Variants in NAV2 observed in about 807,000 individuals in gnomAD.
NAV2 encodes the protein helicase, APC down-regulated 1.
A neutral mutation model predicts 223.2 loss-of-function variants in NAV2; 54 were observed. That is an observed-to-expected ratio of 0.24 (90% confidence interval 0.19 to 0.30). The LOEUF is 0.30. Ranked by LOEUF, NAV2 falls within the 10% of genes least tolerant of loss-of-function variation. The pLI is 1.00. For synonymous variants in NAV2, 1,279 were observed against 1,239.3 expected (o/e 1.03, Z -0.67); for missense variants, 2,806 against 3,147.5 (o/e 0.89, Z 2.60).
chr11:19,858,308 G>A (rs1395164232), intron 3 of NAV2, among the ~76,000 whole-genome samples: 1 of 152,162 alleles, frequency 6.6e-6, no homozygotes, highest in Non-Finnish European at 1.5e-5. Context: ...GATCATGCAG[G>A]ACTTGTCTTT....
intron 24 of NAV2, 82 bp from the exon 25 acceptor site, chr11:20,079,982 G>T: frequency 1.3e-6 from 2 of 1,538,248 alleles, no homozygotes; most frequent in Non-Finnish European, 8.8e-7. Context: ...AGGTGGGTGG[G>T]TTTTGCTTAA....
At chr11:19,628,873 G>A (rs558987890) in intron 1 of NAV2, among the ~76,000 whole-genome samples, 37 of 152,236 alleles carry the variant, frequency 2.4e-4, no homozygotes, top group South Asian at 2.1e-4. Flanking sequence ...CTCTATCCCA[G>A]CTACTCTGAG....
At chr11:20,049,799 G>T (rs754594581) in intron 15 of NAV2, 37 bp from the exon 16 acceptor site, 1 of 1,597,000 alleles carries the variant, frequency 6.3e-7, no homozygotes, top group Non-Finnish European at 8.6e-7. Context: ...CCAAGCTAAC[G>T]TTCCTTCTCT....
intron 28 of NAV2, among the ~76,000 whole-genome samples, chr11:20,092,868 C>T (rs188333691): frequency 2.0e-5 from 3 of 152,158 alleles, no homozygotes; most frequent in East Asian, 1.9e-4. Context: ...GTCTCTCCCT[C>T]GCACTTCCAT....
chr11:19,511,661 A>C (rs772943313), intron 1 of NAV2: 1 of 152,224 alleles, frequency 6.6e-6, no homozygotes, highest in African/African-American at 2.4e-5. Context: ...CTCACTGAGC[A>C]GTAATTGCTG....
At chr11:19,880,424 A>G (rs2153089573) in intron 5 of NAV2, among the ~76,000 whole-genome samples, 1 of 152,306 alleles carries the variant, frequency 6.6e-6, no homozygotes, top group Middle Eastern at 3.4e-3. Context: ...ACAGCCCCTA[A>G]AATAGACTTC....
chr11:20,049,916 G>A lies in NAV2; in HGVS notation c.4436+15G>A. On this transcript the variant is annotated intron_variant, in intron 16 of 37. Transcript: ENST00000349880. ...AAACAGGACAGGTAATGACATTGCA[G>A]GCCGGGGACCAACCGAGCCTCTAGG... 1 of 1,613,594 alleles carries A rather than the reference G, an allele frequency of 6.2e-7. No homozygotes were observed. The highest frequency in any genetic ancestry group is 8.5e-7 in the Non-Finnish European group (1 of 1,179,508).
chr11:19,615,577 T>G (rs2135368043), intron 1 of NAV2, among the ~76,000 whole-genome samples: 1 of 152,212 alleles, frequency 6.6e-6, no homozygotes, highest in Non-Finnish European at 1.5e-5. Context: ...AAACAGTGGC[T>G]AGGCGCTCAG....
chr11:19,384,212 G>A (rs147009506), intron 1 of NAV2, among the ~76,000 whole-genome samples: 74 of 152,224 alleles, frequency 4.9e-4, no homozygotes, highest in African/African-American at 1.6e-3. Flanking sequence ...AGACTAAAAG[G>A]ATACATCTTA....
At chr11:19,794,271 C>T (rs1300640795) in intron 1 of NAV2, among the ~76,000 whole-genome samples, 4 of 152,182 alleles carry the variant, frequency 2.6e-5, no homozygotes, top group Non-Finnish European at 5.9e-5. Context: ...TCTAAGCCAG[C>T]GATGGTTCCT....
intron 1 of NAV2, among the ~76,000 whole-genome samples, chr11:19,609,116 A>G (rs2046560877): frequency 6.6e-6 from 1 of 152,228 alleles, no homozygotes; most frequent in Non-Finnish European, 1.5e-5. Flanking sequence ...TCATAAATGT[A>G]CCTATTCACA....
At chr11:19,804,995 T>G (rs2058473676) in intron 1 of NAV2, among the ~76,000 whole-genome samples, 1 of 151,716 alleles carries the variant, frequency 6.6e-6, no homozygotes, top group South Asian at 2.1e-4. Context: ...AAGGGAGGAG[T>G]GGGAAATCAG....
chr11:19,402,747 T>G (rs534820690), intron 1 of NAV2, among the ~76,000 whole-genome samples: 46 of 152,346 alleles, frequency 3.0e-4, no homozygotes, highest in Middle Eastern at 3.4e-3. Flanking sequence ...AAGTAGCATC[T>G]GTCTCCATGT....
chr11:20,011,588 C>T (rs554586073), intron 11 of NAV2, among the ~76,000 whole-genome samples: 1 of 152,312 alleles, frequency 6.6e-6, no homozygotes, highest in East Asian at 1.9e-4. Context: ...GCTTAAGCAA[C>T]GTGTCCAAAG....
At chr11:19,424,548 T>TTTTG (rs917298022) in intron 1 of NAV2, among the ~76,000 whole-genome samples, 2 of 152,108 alleles carry the variant, frequency 1.3e-5, no homozygotes, top group East Asian at 1.9e-4. Context: ...TTCAGTGTTT[T>TTTTG]TTTGTTTGTT....
chr11:19,775,512 C>A (rs1057059853), intron 1 of NAV2, among the ~76,000 whole-genome samples: 1 of 152,210 alleles, frequency 6.6e-6, no homozygotes, highest in Non-Finnish European at 1.5e-5. Flanking sequence ...CTATGGGCCA[C>A]ACATTGTTCT....
intron 1 of NAV2, among the ~76,000 whole-genome samples, chr11:19,551,691 C>T (rs1426120063): frequency 2.0e-5 from 3 of 152,166 alleles, no homozygotes; most frequent in Non-Finnish European, 4.4e-5. Context: ...TCTGTGAAAC[C>T]CAGCCACGTC....
At chr11:19,441,113 T>C (rs1234050716) in intron 1 of NAV2, among the ~76,000 whole-genome samples, 1 of 152,110 alleles carries the variant, frequency 6.6e-6, no homozygotes, top group Non-Finnish European at 1.5e-5. Context: ...GATGTTTAAC[T>C]AGGTTTAGAA....
At chr11:19,773,235 T>C (rs914636331) in intron 1 of NAV2, among the ~76,000 whole-genome samples, 4 of 152,072 alleles carry the variant, frequency 2.6e-5, no homozygotes, top group African/African-American at 7.2e-5. Flanking sequence ...CATGGGAGTG[T>C]TGAGTGATTG....
Sources: allele counts gnomAD v4.1 joint callset (sites outside exome capture counted in the v4.1 genomes callset), GRCh38; gene constraint gnomAD v4.1.1; transcripts MANE v1.5; gene names NCBI Gene and HGNC (gene_info 2026-07-23, HGNC 2026-07-21).